Variants in ZBBX observed in about 807,000 individuals in gnomAD.
ZBBX encodes zinc finger B-box domain containing.
Under a neutral mutation model 108.5 loss-of-function variants are expected in ZBBX, and 101 were observed. The observed-to-expected ratio is 0.93, with a 90% CI of 0.79 to 1.10. The LOEUF (loss-of-function observed/expected upper bound fraction) is 1.10. Ranked by LOEUF, ZBBX falls within the 50% of genes least tolerant of loss-of-function variation. The pLI, the probability that ZBBX is intolerant of heterozygous loss-of-function variation, is 0.00. For synonymous variants in ZBBX, 356 were observed against 323.4 expected, an observed-to-expected ratio of 1.10 and a Z score of -1.08; for missense variants, 1,009 against 941.4, an observed-to-expected ratio of 1.07 and a Z score of -0.94.
intron 15 of ZBBX, among the ~76,000 whole-genome samples, chr3:167,315,352 C>T (rs1423542568): frequency 6.6e-6 from 1 of 152,004 alleles, no homozygotes; most frequent in Non-Finnish European, 1.5e-5. Flanking sequence ...GTCTCTCAGC[C>T]TAATCATTTA....
At chr3:167,235,496 G>A (rs1458134508), downstream of ZBBX, among the ~76,000 whole-genome samples, 1 of 151,100 alleles carries the variant, frequency 6.6e-6, no homozygotes, top group African/African-American at 2.4e-5. Flanking sequence ...AGAATGTGTA[G>A]ATATATATAA....
chr3:167,371,107 A>G (rs1158283999), intron 4 of ZBBX, among the ~76,000 whole-genome samples: 2 of 152,152 alleles, frequency 1.3e-5, no homozygotes, highest in East Asian at 3.9e-4. Context: ...AATTACTGTG[A>G]GTGGGTATTC....
intron 17 of ZBBX, among the ~76,000 whole-genome samples, chr3:167,304,648 T>C (rs1163301915): frequency 5.3e-5 from 8 of 152,184 alleles, no homozygotes; most frequent in Non-Finnish European, 8.8e-5. Context: ...TTTGGGTATG[T>C]ATATCCAAAC....
chr3:167,240,544 AT>A lies in ZBBX; in HGVS notation c.*248del, dbSNP rs975820726. On this transcript the variant is annotated 3_prime_UTR_variant, in exon 22 of 22. Coordinates refer to ENST00000675490, the MANE Select transcript of ZBBX (RefSeq NM_001199201.2). ...TTTTATAGACACAGTTGTAACAGTT[AT>A]TTCTTCAAATTCACCATATTTTACT... 2.3e-5 allele frequency: 7 copies of A among 299,772 alleles called. No homozygotes were observed. Among genetic ancestry groups the A allele is most frequent in the African/African-American group, 1.3e-4 (6 of 45,684 alleles). The allele number at this position is 299,772 out of a possible 1,614,324, so 18.6% of individuals were successfully genotyped here. A position where few individuals can be genotyped will look rare whatever the true frequency, so the allele number is the denominator to read the frequency against.
chr3:167,282,589 G>A (rs1327709374), intron 19 of ZBBX, 94 bp from the exon 20 acceptor site: 1 of 1,078,844 alleles, frequency 9.3e-7, no homozygotes, highest in Non-Finnish European at 1.3e-6. Flanking sequence ...ACACAGAGAA[G>A]TTAAGTTCAT....
chr3:167,383,331 C>T (rs1363804371), upstream of ZBBX, among the ~76,000 whole-genome samples: 2 of 151,954 alleles, frequency 1.3e-5, no homozygotes, highest in Admixed American at 6.6e-5. Flanking sequence ...TTTCTTTATG[C>T]CTTGGTAAAT....
chr3:167,252,057 C>G (rs1414094117), intron 20 of ZBBX: 1 of 1,021,958 alleles, frequency 9.8e-7, no homozygotes, highest in East Asian at 6.0e-5. Flanking sequence ...CTCTGCCCTT[C>G]TCAGGTACTT....
chr3:167,370,650 G>A (rs1408580397), intron 4 of ZBBX, among the ~76,000 whole-genome samples: 17 of 152,176 alleles, frequency 1.1e-4, no homozygotes, highest in Admixed American at 7.2e-4. Context: ...AGGTTGGATT[G>A]TATGGATCTC....
chr3:167,298,185 A>C (rs1226635860), intron 18 of ZBBX, 120 bp downstream of exon 18: 1 of 699,120 alleles, frequency 1.4e-6, no homozygotes, highest in African/African-American at 1.9e-5. Flanking sequence ...TATGGCAACT[A>C]ATACAAGGTT....
chr3:167,407,768 T>G (rs1748632288), exon 1 of ZBBX, among the ~76,000 whole-genome samples: 1 of 152,098 alleles, frequency 6.6e-6, no homozygotes. Flanking sequence ...GGGGTTGGTC[T>G]TGCTGATTCA....
chr3:167,365,549 TA>T (rs1464761717), intron 6 of ZBBX, among the ~76,000 whole-genome samples: 1 of 151,776 alleles, frequency 6.6e-6, no homozygotes, highest in Non-Finnish European at 1.5e-5. Flanking sequence ...TCATTTGTTA[TA>T]TTAAATAACA....
chr3:167,302,949 A>G (rs1476752663), intron 17 of ZBBX, among the ~76,000 whole-genome samples: 1 of 152,236 alleles, frequency 6.6e-6, no homozygotes, highest in African/African-American at 2.4e-5. Context: ...TACACCAGAC[A>G]GTAAACAAAC....
chr3:167,281,806 A>T (rs1728856789), intron 20 of ZBBX, among the ~76,000 whole-genome samples: 1 of 152,230 alleles, frequency 6.6e-6, no homozygotes, highest in South Asian at 2.1e-4. Flanking sequence ...TGGTGACAAG[A>T]TCCCCTGAAT....
the ZBBX span, among the ~76,000 whole-genome samples, chr3:167,200,192 G>T: frequency 6.6e-6 from 1 of 152,078 alleles, no homozygotes; most frequent in East Asian, 1.9e-4. Context: ...CCAAATAAGG[G>T]TCACATTCTC....
At chr3:167,284,585 C>G (rs1729392880) in intron 19 of ZBBX, among the ~76,000 whole-genome samples, 1 of 151,964 alleles carries the variant, frequency 6.6e-6, no homozygotes, top group Non-Finnish European at 1.5e-5. Flanking sequence ...ATGTAGATGC[C>G]CTTCAGAAAA....
chr3:167,187,469 G>T, the ZBBX span, among the ~76,000 whole-genome samples: 2 of 152,178 alleles, frequency 1.3e-5, no homozygotes, highest in African/African-American at 4.8e-5. Flanking sequence ...AATAATCCTG[G>T]CAAGTAGAGA....
intron 16 of ZBBX, among the ~76,000 whole-genome samples, chr3:167,311,157 A>T (rs564298755): frequency 6.6e-6 from 1 of 152,320 alleles, no homozygotes; most frequent in South Asian, 2.1e-4. Context: ...ACCTATATAA[A>T]TACAGTCAAC....
At chr3:167,395,105 G>A (rs997968023) in intron 1 of ZBBX, among the ~76,000 whole-genome samples, 9 of 151,934 alleles carry the variant, frequency 5.9e-5, no homozygotes, top group South Asian at 4.2e-4. Flanking sequence ...TCTAAAGCTT[G>A]TTCCCTAATC....
chr3:167,227,633 C>T, the ZBBX span, among the ~76,000 whole-genome samples: 2 of 151,748 alleles, frequency 1.3e-5, no homozygotes, highest in Admixed American at 6.6e-5. Flanking sequence ...GGCATGGCCT[C>T]TTTCCACAGT....
Sources: gnomAD v4.1 joint callset for allele counts (sites outside exome capture counted in the v4.1 genomes callset) on GRCh38, gnomAD v4.1.1 for gene constraint, MANE v1.5 for transcripts, NCBI Gene and HGNC (gene_info 2026-07-23, HGNC 2026-07-21) for gene names.